Variants in NT5DC3 observed in about 807,000 individuals in gnomAD.
The protein encoded by NT5DC3 is 5'-nucleotidase domain-containing protein 3.
Under a neutral mutation model 67.8 loss-of-function variants are expected in NT5DC3, and 42 were observed. That is an observed-to-expected ratio of 0.62 (90% confidence interval 0.48 to 0.80). The LOEUF (loss-of-function observed/expected upper bound fraction) is 0.80, where lower values mean the gene tolerates loss of function less well. Ranked by LOEUF, NT5DC3 falls within the 30% of genes least tolerant of loss-of-function variation. The pLI is 0.00. For missense variants in NT5DC3, 570 were observed against 696.4 expected, an observed-to-expected ratio of 0.82 and a Z score of 2.04; for synonymous variants, 237 against 255.6, an observed-to-expected ratio of 0.93 and a Z score of 0.69.
the NT5DC3 span, chr12:103,755,061 G>T: frequency 2.0e-6 from 1 of 502,802 alleles, no homozygotes; most frequent in South Asian, 3.4e-5. Context: ...GCAGAGAGAA[G>T]AGAAATGAGT....
At chr12:103,757,479 T>C in the NT5DC3 span, among the ~76,000 whole-genome samples, 1 of 152,148 alleles carries the variant, frequency 6.6e-6, no homozygotes, top group Non-Finnish European at 1.5e-5. Flanking sequence ...GTCAATAGTA[T>C]TGAGTGCTAG....
At chr12:103,833,448 C>G (rs554904443) in intron 1 of NT5DC3, among the ~76,000 whole-genome samples, 8 of 152,214 alleles carry the variant, frequency 5.3e-5, no homozygotes, top group Admixed American at 2.0e-4. Flanking sequence ...TTTAATATTA[C>G]ATATTATATA....
downstream of NT5DC3, chr12:103,770,651 G>A (rs1167506200): frequency 1.3e-5 from 2 of 152,318 alleles, no homozygotes; most frequent in Admixed American, 1.3e-4. Flanking sequence ...ACCCAGGCTG[G>A]TCTCAAATTC....
chr12:103,779,246 T>A (rs892259441), intron 13 of NT5DC3, among the ~76,000 whole-genome samples: 1 of 152,098 alleles, frequency 6.6e-6, no homozygotes, highest in African/African-American at 2.4e-5. Context: ...CCTGCAGTCA[T>A]CCTTACGGGC....
Position 103,840,947 on chromosome 12 carries a change from A to G in NT5DC3, c.208+2T>C. The G allele has an allele frequency of 7.4e-7, 1 of 1,358,272 alleles. No homozygotes were observed. The highest frequency in any genetic ancestry group is 9.5e-7 in the Non-Finnish European group (1 of 1,048,376). 84.1% of individuals were successfully genotyped at this position (1,358,272 alleles called of 1,614,324 possible). A position where few individuals can be genotyped will look rare whatever the true frequency, so the allele number is the denominator to read the frequency against. ...CCGGGGCGGGGTCGCCGCCTCACTC[A>G]CCTTCTGTGCTTCTCTTCGCCTCCC... On this transcript the variant is annotated splice_donor_variant, in intron 1 of 13. Transcript: ENST00000392876. LOFTEE classifies it high-confidence loss of function.
chr12:103,808,459 G>A (rs574556735), intron 2 of NT5DC3, among the ~76,000 whole-genome samples: 37 of 152,318 alleles, frequency 2.4e-4, no homozygotes, highest in African/African-American at 7.9e-4. Context: ...TTCCATGGCT[G>A]AGCGGCTAAT....
chr12:103,756,996 A>AATATATATATATATATATATATATATAT, the NT5DC3 span, among the ~76,000 whole-genome samples: 11 of 56,346 alleles, frequency 2.0e-4, no homozygotes, highest in South Asian at 2.2e-3. Context: ...AAGGAGGGAA[A>AATATATATATATATATATATATATATAT]ATATATATAT....
rs1326745046 is a variant in NT5DC3, at chr12:103,773,287, A to G, written c.*4542T>C. On this transcript the variant is annotated 3_prime_UTR_variant, in exon 14 of 14. Transcript: ENST00000392876. Reference sequence around the variant, plus strand: ...CACAGCCATGACCATGGTCATTCCCACAGTAGTAGTAGCAAAAGCAAACAG... The same window carrying G: ...CACAGCCATGACCATGGTCATTCCCGCAGTAGTAGTAGCAAAAGCAAACAG... 4 of 152,184 alleles carry G rather than the reference A, an allele frequency of 2.6e-5. No homozygotes were observed. The highest frequency in any genetic ancestry group is 7.2e-5 in the African/African-American group (3 of 41,438). The allele number at this position is 152,184 out of a possible 1,614,324, so 9.4% of individuals were successfully genotyped here.
chr12:103,748,702 C>G, the NT5DC3 span, among the ~76,000 whole-genome samples: 2 of 150,940 alleles, frequency 1.3e-5, no homozygotes, highest in African/African-American at 4.9e-5. Flanking sequence ...AAAACTGATA[C>G]CAAAGTCAAG....
chr12:103,789,088 A>G (rs1050050720), intron 9 of NT5DC3, 169 bp from the exon 10 acceptor site: 33 of 596,072 alleles, frequency 5.5e-5, no homozygotes, highest in Non-Finnish European at 5.4e-5. Context: ...TGCGTCCCAA[A>G]TTGTGTGAAG....
chr12:103,759,399 A>T, the NT5DC3 span: 1 of 1,349,504 alleles, frequency 7.4e-7, no homozygotes, highest in Non-Finnish European at 9.9e-7. Flanking sequence ...CAGATAGGGG[A>T]CGGTGTTAAC....
intron 1 of NT5DC3, among the ~76,000 whole-genome samples, chr12:103,837,163 G>T (rs1229272075): frequency 6.6e-6 from 1 of 152,208 alleles, no homozygotes; most frequent in East Asian, 1.9e-4. Context: ...CGAGGCTTGG[G>T]GTTTCCACCC....
rs143354503 is a variant in NT5DC3, at chr12:103,806,130, G to A, written c.524+192C>T. Among the ~76,000 whole-genome samples, 3 of 152,104 alleles carry A rather than the reference G, an allele frequency of 2.0e-5. No individual in the cohort carries two copies. The East Asian group carries it at 5.8e-4, about 29-fold the overall frequency. ...CCACCCACACTCTGAGCTCCTTGAG[G>A]ACATCAAGGCACACCAAGCCCTTAG... On this transcript the variant is annotated intron_variant, in intron 4 of 13. Coordinates refer to ENST00000392876, the MANE Select transcript of NT5DC3 (RefSeq NM_001031701.3).
intron 9 of NT5DC3, among the ~76,000 whole-genome samples, chr12:103,792,962 G>C (rs1188060077): frequency 2.6e-5 from 4 of 152,186 alleles, no homozygotes; most frequent in Non-Finnish European, 4.4e-5. Flanking sequence ...AAGTTGAACT[G>C]AGAACCCTTT....
chr12:103,833,460 AATT>A (rs759500227), intron 1 of NT5DC3, among the ~76,000 whole-genome samples: 12 of 152,266 alleles, frequency 7.9e-5, no homozygotes, highest in South Asian at 4.1e-4. Context: ...TATTATATAG[AATT>A]ATTATTATCC....
At chr12:103,778,226 T>A (rs1423260971) in intron 13 of NT5DC3, 145 bp from the exon 14 acceptor site, 3 of 882,976 alleles carry the variant, frequency 3.4e-6, no homozygotes, top group Non-Finnish European at 4.9e-6. Context: ...CAGCCCCAAA[T>A]ATTAATTAAG....
chr12:103,817,336 C>T (rs1372853295), intron 1 of NT5DC3, among the ~76,000 whole-genome samples: 2 of 152,158 alleles, frequency 1.3e-5, no homozygotes, highest in African/African-American at 4.8e-5. Context: ...CACAGACTAT[C>T]CTATTTTGCT....
chr12:103,840,924 G>A, intron 1 of NT5DC3, 25 bp downstream of exon 1: 2 of 1,322,376 alleles, frequency 1.5e-6, no homozygotes, highest in Non-Finnish European at 2.0e-6. Context: ...CCCAGGCGCC[G>A]GGGCGGGGTC....
At chr12:103,766,922 A>G (rs1217011797), downstream of NT5DC3, 2 of 153,576 alleles carry the variant, frequency 1.3e-5, no homozygotes, top group Non-Finnish European at 2.9e-5. Context: ...GGCTAGAATC[A>G]AAACAGTAAC....
Sources: allele counts gnomAD v4.1 joint callset (sites outside exome capture counted in the v4.1 genomes callset), GRCh38; gene constraint gnomAD v4.1.1; transcripts MANE v1.5; gene names NCBI Gene and HGNC (gene_info 2026-07-23, HGNC 2026-07-21).